Variants in MAD1L1 observed in about 807,000 individuals in gnomAD.
The protein encoded by MAD1L1 is mitotic arrest deficient 1 like 1, also known as mitotic spindle assembly checkpoint protein MAD1.
Under a neutral mutation model 96.9 loss-of-function variants are expected in MAD1L1, and 95 were observed. The ratio of observed to expected loss-of-function variants is 0.98; its 90% confidence interval spans 0.83 to 1.16. The LOEUF (loss-of-function observed/expected upper bound fraction) is 1.16. Among genes scored for constraint, MAD1L1 ranks in the 50% most tolerant of loss-of-function variants. The pLI, the probability that MAD1L1 is intolerant of heterozygous loss-of-function variation, is 0.00. For synonymous variants in MAD1L1, 473 were observed against 396.6 expected, an observed-to-expected ratio of 1.19 and a Z score of -2.29; for missense variants, 1,007 against 954.4, an observed-to-expected ratio of 1.06 and a Z score of -0.73.
intron 12 of MAD1L1, among the ~76,000 whole-genome samples, chr7:2,017,948 G>A (rs1782617400): frequency 6.6e-6 from 1 of 152,122 alleles, no homozygotes; most frequent in Non-Finnish European, 1.5e-5. Context: ...GGAGATCAGA[G>A]CAGCGAGACC....
intron 11 of MAD1L1, among the ~76,000 whole-genome samples, chr7:2,121,938 G>C (rs931676724): frequency 6.6e-6 from 1 of 152,178 alleles, no homozygotes; most frequent in Non-Finnish European, 1.5e-5. Context: ...CGGCAAAGGC[G>C]CACAGAAGGG....
chr7:2,005,593 G>A (rs1436775945), intron 13 of MAD1L1, among the ~76,000 whole-genome samples: 2 of 152,180 alleles, frequency 1.3e-5, no homozygotes, highest in Non-Finnish European at 2.9e-5. Context: ...TTGAGGTTAG[G>A]AGTTCGAGAC....
rs1378174775 is a variant in MAD1L1, at chr7:2,028,421, T to A, written c.1219-13779A>T. ...GCCTGGGCGACAGAGCAAGACTCCA[T>A]CTCAAAAAAAAAAAAAAAAAAAAGT... On this transcript the variant is annotated intron_variant, in intron 12 of 18. Transcript: ENST00000265854. Among the ~76,000 whole-genome samples, 3 of 105,838 alleles carry A rather than the reference T, an allele frequency of 2.8e-5. No individual in the cohort carries two copies. The East Asian group carries it at 7.5e-4, about 26-fold the overall frequency. The allele number at this position is 105,838 out of a possible 152,430, so 69.4% of individuals were successfully genotyped here. A position where few individuals can be genotyped will look rare whatever the true frequency, so the allele number is the denominator to read the frequency against.
chr7:2,148,074 G>A (rs1242199197), intron 11 of MAD1L1, among the ~76,000 whole-genome samples: 1 of 152,188 alleles, frequency 6.6e-6, no homozygotes, highest in Non-Finnish European at 1.5e-5. Context: ...GAAAGCAAAA[G>A]GCAATCTTTA....
intron 17 of MAD1L1, among the ~76,000 whole-genome samples, chr7:1,915,303 G>A (rs953392401): frequency 9.9e-5 from 15 of 152,196 alleles, no homozygotes; most frequent in African/African-American, 2.9e-4. Flanking sequence ...AACCGCAGCC[G>A]GGAGGGACGG....
chr7:2,156,284 T>A (rs1789842042), intron 10 of MAD1L1, among the ~76,000 whole-genome samples: 1 of 151,684 alleles, frequency 6.6e-6, no homozygotes, highest in Non-Finnish European at 1.5e-5. Flanking sequence ...GGGCGCATGG[T>A]TTCACGGCGC....
chr7:2,120,784 G>A (rs1035887214), intron 11 of MAD1L1, among the ~76,000 whole-genome samples: 6 of 152,220 alleles, frequency 3.9e-5, no homozygotes, highest in South Asian at 2.1e-4. Context: ...GGCAGCCTGC[G>A]AGCCCCCATG....
At chr7:1,901,149 G>A (rs962472619) in intron 17 of MAD1L1, among the ~76,000 whole-genome samples, 3 of 152,186 alleles carry the variant, frequency 2.0e-5, no homozygotes, top group Non-Finnish European at 1.5e-5. Flanking sequence ...AGGCTGCCTC[G>A]ACGGAGTCGG....
chr7:1,860,293 G>A (rs1253661392), intron 18 of MAD1L1, among the ~76,000 whole-genome samples: 1 of 132,762 alleles, frequency 7.5e-6, no homozygotes, highest in African/African-American at 2.9e-5. Flanking sequence ...GGCGGCCTCT[G>A]TGTCCCTAGA....
rs10678802 is a variant in MAD1L1, at chr7:1,887,411, A to ATGTGTG, written c.1998+10783_1998+10788dup. Among the ~76,000 whole-genome samples, 9 of 146,738 alleles carry ATGTGTG rather than the reference A, an allele frequency of 6.1e-5. No homozygotes were observed. In the East Asian group the frequency reaches 1.4e-3, roughly 24 times the overall value. ...CATGCATGTATGTGGCTGCCTGTGC[A>ATGTGTG]TGTGTGTGTGTGCATGCGTGCATGT... On this transcript the variant is annotated intron_variant, in intron 18 of 18. Transcript: ENST00000265854.
At chr7:2,198,326 C>T (rs919293017) in intron 10 of MAD1L1, among the ~76,000 whole-genome samples, 1 of 152,166 alleles carries the variant, frequency 6.6e-6, no homozygotes, top group Non-Finnish European at 1.5e-5. Context: ...GGCCGGCTGC[C>T]TGCTCTCATC....
intron 11 of MAD1L1, among the ~76,000 whole-genome samples, chr7:2,134,324 C>T (rs1197575598): frequency 1.3e-5 from 2 of 152,162 alleles, no homozygotes; most frequent in Non-Finnish European, 2.9e-5. Context: ...AAGCAGCTGA[C>T]GGCGTGTATG....
intron 15 of MAD1L1, among the ~76,000 whole-genome samples, chr7:1,961,043 G>A (rs1323553812): frequency 6.6e-6 from 1 of 152,202 alleles, no homozygotes; most frequent in East Asian, 1.9e-4. Flanking sequence ...AGATGGAACG[G>A]AACAGGCCAA....
intron 10 of MAD1L1, among the ~76,000 whole-genome samples, chr7:2,172,381 G>A (rs1412019732): frequency 2.0e-5 from 3 of 152,100 alleles, no homozygotes; most frequent in East Asian, 1.9e-4. Context: ...TCTGACTCTC[G>A]CCCCTGCAGG....
chr7:2,111,134 A>C (rs1387733339), intron 11 of MAD1L1, among the ~76,000 whole-genome samples: 1 of 152,232 alleles, frequency 6.6e-6, no homozygotes, highest in Non-Finnish European at 1.5e-5. Context: ...AGAGGAACAA[A>C]GAAGAAACAG....
chr7:2,016,812 G>T (rs569672121), intron 12 of MAD1L1, among the ~76,000 whole-genome samples: 5 of 152,384 alleles, frequency 3.3e-5, no homozygotes, highest in East Asian at 1.9e-4. Flanking sequence ...AACGGGTCAC[G>T]TATCTGTGGA....
rs752081977 is a variant in MAD1L1, at chr7:1,898,349, G to A, written c.1849C>T (p.Arg617Trp). 9 of 1,614,040 alleles carry A rather than the reference G, an allele frequency of 5.6e-6. No individual in the cohort carries two copies. Among genetic ancestry groups the A allele is most frequent in the South Asian group, 3.3e-5 (3 of 91,066 alleles). Residue 617 changes from arginine to tryptophan, a missense_variant, in exon 18 of 19, where the codon CGG becomes TGG. By Grantham distance (101) the Arg-to-Trp change is moderately radical (BLOSUM62 -3). Transcript: ENST00000265854. ...QVESAELKNQ[R>W]LKEVFQTKIQ... ...TTGGTCTGGAAAACCTCCTTGAGCC[G>A]CTGGTTCTTCAGCTCGGCACTCTCC...
At chr7:2,214,046 A>G (rs1216175899) in intron 9 of MAD1L1, among the ~76,000 whole-genome samples, 1 of 152,266 alleles carries the variant, frequency 6.6e-6, no homozygotes, top group Admixed American at 6.5e-5. Context: ...ACTAGTAACT[A>G]TATGACAGCC....
intron 11 of MAD1L1, among the ~76,000 whole-genome samples, chr7:2,130,419 G>A (rs933529021): frequency 6.6e-6 from 1 of 152,178 alleles, no homozygotes; most frequent in Non-Finnish European, 1.5e-5. Context: ...GAGAAATTTG[G>A]AATAAGGAAG....
Sources: allele counts gnomAD v4.1 joint callset (sites outside exome capture counted in the v4.1 genomes callset), GRCh38; gene constraint gnomAD v4.1.1; transcripts MANE v1.5; gene names NCBI Gene and HGNC (gene_info 2026-07-23, HGNC 2026-07-21).